The following SFXN5 variants were observed in gnomAD, a reference collection of about 807,000 sequenced individuals.
The protein encoded by SFXN5 is sideroflexin-5.
SFXN5 carries 43 observed loss-of-function variants against 50.2 expected under a neutral mutation model. The observed-to-expected ratio is 0.86, with a 90% confidence interval of 0.67 to 1.11. The LOEUF (loss-of-function observed/expected upper bound fraction) is 1.11, where lower values mean the gene tolerates loss of function less well. Ranked by LOEUF, SFXN5 falls within the 50% of genes least tolerant of loss-of-function variation. The pLI is 0.00. For synonymous variants in SFXN5, 203 were observed against 185.8 expected (o/e 1.09, Z -0.75); for missense variants, 463 against 454.1 (o/e 1.02, Z -0.18).
chr2:73,069,329 G>A (rs1391622192), intron 1 of SFXN5, among the ~76,000 whole-genome samples: 1 of 152,154 alleles, frequency 6.6e-6, no homozygotes, highest in Non-Finnish European at 1.5e-5. Context: ...TCTGGCAGTA[G>A]AGATGGGTGG....
intron 11 of SFXN5, 84 bp downstream of exon 11, chr2:72,971,486 A>G (rs1321752564): frequency 2.4e-5 from 22 of 921,964 alleles, no homozygotes; most frequent in Non-Finnish European, 3.6e-5. Context: ...CCTGGATAGA[A>G]GCCTGTGGAA....
chr2:73,058,399 C>G, intron 2 of SFXN5, 129 bp downstream of exon 2: 1 of 790,366 alleles, frequency 1.3e-6, no homozygotes, highest in South Asian at 1.6e-5. Context: ...AATTTGTTAC[C>G]TTCCTCTCAC....
Position 72,957,185 on chromosome 2 carries a change from C to T in SFXN5, c.945+3946G>A, listed in dbSNP as rs570466560. On this transcript the variant is annotated intron_variant, in intron 13 of 13. Transcript: ENST00000272433. ...TCCGTATCTCCAGCCAAACTCTCTC[C>T]CCAGAGCCATCTGACTGTCTAGGAA... 4.0e-4 allele frequency: 170 copies of T among 425,380 alleles called. 3 individuals are homozygous for T. Among genetic ancestry groups the T allele is most frequent in the South Asian group, 2.8e-3 (169 of 59,718 alleles). 26.4% of individuals were successfully genotyped at this position (425,380 alleles called of 1,614,324 possible).
intron 2 of SFXN5, among the ~76,000 whole-genome samples, chr2:73,056,144 TAAATAAATAA>T (rs1682087932): frequency 6.6e-6 from 1 of 151,556 alleles, no homozygotes; most frequent in Non-Finnish European, 1.5e-5. Flanking sequence ...TCTCAAAAAA[TAAATAAATAA>T]AAATAAATAA....
chr2:73,068,755 C>G (rs965403656), intron 1 of SFXN5, among the ~76,000 whole-genome samples: 6 of 152,000 alleles, frequency 3.9e-5, no homozygotes, highest in Non-Finnish European at 8.8e-5. Flanking sequence ...CAGAGAGACA[C>G]AGATGGCAAA....
chr2:72,989,051 G>A (rs549860887), intron 9 of SFXN5, among the ~76,000 whole-genome samples: 40 of 152,274 alleles, frequency 2.6e-4, no homozygotes, highest in Admixed American at 6.5e-5. Context: ...TCTCATGTGT[G>A]CCACACCAGC....
At chr2:73,047,042 T>C (rs1680428462) in intron 2 of SFXN5, among the ~76,000 whole-genome samples, 1 of 149,742 alleles carries the variant, frequency 6.7e-6, no homozygotes, top group Non-Finnish European at 1.5e-5. Context: ...CTGGACAACA[T>C]GGTGAAACTC....
In SFXN5 at chr2:72,959,375, C is replaced by T. The variant is rs573085445; in HGVS notation, c.945+1756G>A. 3.1e-4 allele frequency among the ~76,000 whole-genome samples: 47 copies of T among 152,236 alleles called. No homozygotes were observed. In the East Asian group the frequency reaches 8.1e-3, roughly 26 times the overall value. On this transcript the variant is annotated intron_variant, in intron 13 of 13. Coordinates refer to ENST00000272433, the MANE Select transcript of SFXN5 (RefSeq NM_144579.3). ...CCAGAAGAAAGGATCTGTGGCCCTC[C>T]CTGTACTGGCCCATAGCACCTCCTG...
chr2:73,052,339 AGT>A (rs3043005), intron 2 of SFXN5, among the ~76,000 whole-genome samples: 174 of 147,124 alleles, frequency 1.2e-3, no homozygotes, highest in Non-Finnish European at 1.9e-3. Context: ...TAAGAGAGAG[AGT>A]GTGTGTGTGT....
At chr2:73,002,053 G>A (rs1016073563) in intron 6 of SFXN5, among the ~76,000 whole-genome samples, 4 of 152,218 alleles carry the variant, frequency 2.6e-5, no homozygotes, top group South Asian at 2.1e-4. Flanking sequence ...TAGCCTTCCC[G>A]TAGGATTTTT....
intron 12 of SFXN5, among the ~76,000 whole-genome samples, chr2:72,966,023 C>T (rs1442586581): frequency 6.6e-6 from 1 of 152,200 alleles, no homozygotes; most frequent in Non-Finnish European, 1.5e-5. Flanking sequence ...TGTCCTGCAA[C>T]ACTTTAGCAC....
At chr2:73,059,920 T>G (rs1682611874) in intron 1 of SFXN5, 1 of 955,542 alleles carries the variant, frequency 1.0e-6, no homozygotes. Context: ...TTTACAAAGG[T>G]GGATGGTTAA....
At chr2:72,985,299 G>C (rs1009187983) in intron 10 of SFXN5, among the ~76,000 whole-genome samples, 3 of 152,062 alleles carry the variant, frequency 2.0e-5, no homozygotes. Flanking sequence ...GACCTGCAGT[G>C]AACCCCGGGC....
chr2:72,985,127 T>C (rs965845541), intron 10 of SFXN5, among the ~76,000 whole-genome samples: 1 of 152,082 alleles, frequency 6.6e-6, no homozygotes, highest in Non-Finnish European at 1.5e-5. Flanking sequence ...ACTGCCACTT[T>C]CCCCAACCTC....
chr2:72,977,064 G>A (rs1670703471), intron 10 of SFXN5, among the ~76,000 whole-genome samples: 1 of 152,170 alleles, frequency 6.6e-6, no homozygotes, highest in African/African-American at 2.4e-5. Flanking sequence ...TGTCTGCTGG[G>A]GACTTCTGGG....
chr2:73,004,366 T>C (rs1674336742), intron 6 of SFXN5, among the ~76,000 whole-genome samples: 1 of 143,488 alleles, frequency 7.0e-6, no homozygotes, highest in Non-Finnish European at 1.5e-5. Context: ...TTAACCACAA[T>C]AAAAACAAAA....
At chr2:73,016,862 T>TGCCCAAAA (rs1676229121) in intron 6 of SFXN5, among the ~76,000 whole-genome samples, 1 of 152,186 alleles carries the variant, frequency 6.6e-6, no homozygotes, top group Non-Finnish European at 1.5e-5. Context: ...AAAATGGGCA[T>TGCCCAAAA]TTTGTTGACA....
At chr2:73,048,173 T>C (rs1422669547) in intron 2 of SFXN5, among the ~76,000 whole-genome samples, 1 of 152,208 alleles carries the variant, frequency 6.6e-6, no homozygotes, top group Non-Finnish European at 1.5e-5. Context: ...TGATTCCTTA[T>C]ATATATTTAT....
At chr2:73,035,760 A>G (rs1017924848) in intron 3 of SFXN5, among the ~76,000 whole-genome samples, 5 of 152,110 alleles carry the variant, frequency 3.3e-5, no homozygotes, top group Non-Finnish European at 7.4e-5. Context: ...TTGGCCTCCC[A>G]AAGTGCTGGG....
Sources: gnomAD v4.1 joint callset for allele counts (sites outside exome capture counted in the v4.1 genomes callset) on GRCh38, gnomAD v4.1.1 for gene constraint, MANE v1.5 for transcripts, NCBI Gene and HGNC (gene_info 2026-07-23, HGNC 2026-07-21) for gene names.